Variants in CMTM4 observed in about 807,000 individuals in gnomAD.
CMTM4 encodes CKLF like MARVEL transmembrane domain containing 4.
A neutral mutation model predicts 19.0 loss-of-function variants in CMTM4; 8 were observed. That is an observed-to-expected ratio of 0.42 (90% CI 0.25 to 0.76). The LOEUF is 0.76. CMTM4 is among the 30% of genes least tolerant of loss of function. CMTM4 has a pLI of 0.27. For missense variants in CMTM4, 228 were observed against 290.2 expected (o/e 0.79, Z 1.56); for synonymous variants, 106 against 121.1 (o/e 0.88, Z 0.82).
intron 1 of CMTM4, among the ~76,000 whole-genome samples, chr16:66,647,521 T>C (rs944028344): frequency 6.6e-6 from 1 of 152,054 alleles, no homozygotes; most frequent in African/African-American, 2.4e-5. Flanking sequence ...TTGCTTCTGA[T>C]ACACCATTGG....
At chr16:66,687,327 T>C (rs2017052257) in intron 1 of CMTM4, among the ~76,000 whole-genome samples, 2 of 152,100 alleles carry the variant, frequency 1.3e-5, no homozygotes, top group South Asian at 2.1e-4. Flanking sequence ...GCTAGTAACA[T>C]CTACTATTTT....
intron 1 of CMTM4, among the ~76,000 whole-genome samples, chr16:66,695,148 A>C (rs768426513): frequency 6.6e-6 from 1 of 152,124 alleles, no homozygotes; most frequent in Non-Finnish European, 1.5e-5. Context: ...GTAGTTGGAG[A>C]CCAGTCTGGG....
At chr16:66,631,531 T>C (rs895922672) in intron 2 of CMTM4, among the ~76,000 whole-genome samples, 2 of 152,226 alleles carry the variant, frequency 1.3e-5, no homozygotes, top group African/African-American at 2.4e-5. Context: ...GGATGGTTGC[T>C]GTGTCTGTGT....
At chr16:66,610,279 T>C (rs1313718721), downstream of CMTM4, among the ~76,000 whole-genome samples, 1 of 152,064 alleles carries the variant, frequency 6.6e-6, no homozygotes, top group African/African-American at 2.4e-5. This position sits in a 1 kb window ranked among gnomAD's most constrained non-coding sequence, Gnocchi z 4.6. Context: ...ACGACCCCCC[T>C]GGGCAGCCAG....
chr16:66,683,170 T>C (rs1439564149), intron 1 of CMTM4, among the ~76,000 whole-genome samples: 34 of 83,938 alleles, frequency 4.1e-4, no homozygotes, highest in African/African-American at 1.2e-3. Context: ...CGTATATATA[T>C]ATATACATAT....
chr16:66,661,997 CA>C (rs2016507598), intron 1 of CMTM4, among the ~76,000 whole-genome samples: 1 of 151,626 alleles, frequency 6.6e-6, no homozygotes, highest in Non-Finnish European at 1.5e-5. Context: ...AACAAAAAAC[CA>C]AAACACCATG....
At chr16:66,681,232 A>G (rs1248525664) in intron 1 of CMTM4, among the ~76,000 whole-genome samples, 1 of 152,152 alleles carries the variant, frequency 6.6e-6, no homozygotes, top group African/African-American at 2.4e-5. Flanking sequence ...TCTATAAAGG[A>G]AAAACAAATG....
At chr16:66,607,074 GAC>G in the CMTM4 span, among the ~76,000 whole-genome samples, 1 of 152,216 alleles carries the variant, frequency 6.6e-6, no homozygotes, top group Admixed American at 6.5e-5. Flanking sequence ...TTAGCCATGT[GAC>G]AGAGTCTTCT....
intron 2 of CMTM4, among the ~76,000 whole-genome samples, chr16:66,630,417 T>A (rs2015830904): frequency 6.7e-6 from 1 of 149,386 alleles, no homozygotes; most frequent in Non-Finnish European, 1.5e-5. Flanking sequence ...TGCTGCCATC[T>A]GGGCTCAATG....
Position 66,620,387 on chromosome 16 carries a change from G to A in CMTM4, c.*1671C>T, listed in dbSNP as rs1457560798. The A allele has an allele frequency of 6.1e-6, 6 of 985,348 alleles. No individual in the cohort carries two copies. The Admixed American group carries it at 3.7e-4, about 61-fold the overall frequency. The allele number at this position is 985,348 out of a possible 1,614,324, so 61.0% of individuals were successfully genotyped here. On this transcript the variant is annotated 3_prime_UTR_variant, in exon 4 of 4. Coordinates refer to ENST00000394106, the MANE Select transcript of CMTM4 (RefSeq NM_181521.3). The stretch of plus-strand genomic sequence containing the variant: ...AGGGTCAGCCCCTGAGGCAGACGTG[G>A]TGCTCAGCCACATAGCCTGGGACAC...
chr16:66,664,517 G>A (rs575491540), intron 1 of CMTM4, among the ~76,000 whole-genome samples: 2 of 152,100 alleles, frequency 1.3e-5, no homozygotes, highest in South Asian at 4.1e-4. Flanking sequence ...AACAAAGTAG[G>A]AGGGTAAAGG....
At chr16:66,667,063 G>A (rs1874145975) in intron 1 of CMTM4, among the ~76,000 whole-genome samples, 1 of 152,212 alleles carries the variant, frequency 6.6e-6, no homozygotes, top group Non-Finnish European at 1.5e-5. Context: ...AGCGGCTTAC[G>A]CCTGTAATCC....
chr16:66,655,044 A>G (rs922219342), intron 1 of CMTM4, among the ~76,000 whole-genome samples: 3 of 152,082 alleles, frequency 2.0e-5, no homozygotes, highest in African/African-American at 7.2e-5. Flanking sequence ...CACCCAGGCT[A>G]GAGTGTTGTG....
intron 2 of CMTM4, among the ~76,000 whole-genome samples, chr16:66,633,633 C>T (rs1041540455): frequency 3.3e-5 from 5 of 151,906 alleles, no homozygotes; most frequent in East Asian, 1.9e-4. Flanking sequence ...GTCTGGCCAA[C>T]GTGGCGAAAC....
chr16:66,663,292 T>C (rs2016531154), intron 1 of CMTM4, among the ~76,000 whole-genome samples: 1 of 152,100 alleles, frequency 6.6e-6, no homozygotes, highest in Non-Finnish European at 1.5e-5. Flanking sequence ...CAGATGCCAA[T>C]GCCAAGATGA....
intron 1 of CMTM4, among the ~76,000 whole-genome samples, chr16:66,669,851 G>C (rs889165461): frequency 2.0e-5 from 3 of 151,628 alleles, no homozygotes; most frequent in African/African-American, 7.3e-5. Context: ...GCCATTTGCT[G>C]GATTTTTTAA....
intron 1 of CMTM4, among the ~76,000 whole-genome samples, chr16:66,650,403 A>C (rs1481348112): frequency 6.6e-6 from 1 of 152,244 alleles, no homozygotes; most frequent in Middle Eastern, 3.2e-3. Context: ...ACATTGGGAA[A>C]GTATTTCTGT....
At chr16:66,664,662 AC>A (rs1355588461) in intron 1 of CMTM4, among the ~76,000 whole-genome samples, 1 of 151,966 alleles carries the variant, frequency 6.6e-6, no homozygotes, top group Non-Finnish European at 1.5e-5. Context: ...TAAAAAAAAA[AC>A]TATATAAAGA....
intron 1 of CMTM4, among the ~76,000 whole-genome samples, chr16:66,655,945 A>G (rs2016391107): frequency 6.6e-6 from 1 of 152,154 alleles, no homozygotes; most frequent in Admixed American, 6.5e-5. Context: ...CAGCATCTCT[A>G]CAAAAATAAA....
Sources: gnomAD v4.1 joint callset for allele counts (sites outside exome capture counted in the v4.1 genomes callset) on GRCh38, gnomAD v4.1.1 for gene constraint, Gnocchi (gnomAD v3.1) non-coding constraint, MANE v1.5 for transcripts, NCBI Gene and HGNC (gene_info 2026-07-23, HGNC 2026-07-21) for gene names.